Variants in XRCC1 observed in about 807,000 individuals in gnomAD.
XRCC1 encodes the protein DNA repair protein XRCC1.
In XRCC1, 52 loss-of-function variants were observed where a neutral mutation model predicts 83.3. The ratio of observed to expected loss-of-function variants is 0.62; its 90% CI spans 0.50 to 0.79. The LOEUF (loss-of-function observed/expected upper bound fraction) is 0.79. Ranked by LOEUF, XRCC1 falls within the 30% of genes least tolerant of loss-of-function variation. The pLI is 0.00. For missense variants in XRCC1, 793 were observed against 823.5 expected (o/e 0.96, Z 0.45); for synonymous variants, 281 against 312.6 (o/e 0.90, Z 1.07).
At chr19:43,567,188 G>C (rs1972761887) in intron 2 of XRCC1, among the ~76,000 whole-genome samples, 2 of 151,340 alleles carry the variant, frequency 1.3e-5, no homozygotes, top group South Asian at 4.1e-4. Context: ...ACTGTTTAAT[G>C]GTTATGTGGT....
chr19:43,561,106 AC>A (rs1972694771), intron 2 of XRCC1, 86 bp from the exon 3 acceptor site: 6 of 1,063,542 alleles, frequency 5.6e-6, no homozygotes, highest in Non-Finnish European at 8.8e-6. Context: ...CCTTTGGATC[AC>A]CATGTCCCTG....
At chr19:43,565,128 G>C (rs1262080972) in intron 2 of XRCC1, among the ~76,000 whole-genome samples, 1 of 152,060 alleles carries the variant, frequency 6.6e-6, no homozygotes, top group African/African-American at 2.4e-5. Context: ...ATAATCCAGG[G>C]CACTCTCCCC....
chr19:43,548,109 G>T (rs997798316), intron 10 of XRCC1, among the ~76,000 whole-genome samples: 12 of 64,914 alleles, frequency 1.8e-4, no homozygotes, highest in East Asian at 5.5e-4. Flanking sequence ...GGAGGGAGGT[G>T]GGGGGGTCAG....
At chr19:43,569,279 C>A (rs531248586) in intron 2 of XRCC1, among the ~76,000 whole-genome samples, 3 of 152,008 alleles carry the variant, frequency 2.0e-5, no homozygotes, top group African/African-American at 4.8e-5. Flanking sequence ...TCAAGACCAG[C>A]CTAGACAACA....
At position 43,543,430 on chromosome 19, in the gene XRCC1, G is replaced by A. The variant is rs759153919; in HGVS notation, c.1864C>T (p.Leu622Phe). 2 of 1,612,838 alleles carry A rather than the reference G, an allele frequency of 1.2e-6. No homozygotes were observed. The highest frequency in any genetic ancestry group is 2.2e-5 in the East Asian group (1 of 44,810). Residue 622 changes from leucine (L) to phenylalanine (F), a missense_variant, in exon 17 of 17, where the codon CTT (leucine) becomes TTT (phenylalanine). Transcript: ENST00000262887. ...IYSCNEKQKLLPHQLYGVVPQ... is the reference protein window; with the variant it reads ...IYSCNEKQKLFPHQLYGVVPQ... ...ACCACCCCATAGAGCTGGTGAGGAA[G>A]TAACTTCTGCTTCTCATTGCAACTG...
intron 10 of XRCC1, 37 bp from the exon 11 acceptor site, chr19:43,547,014 A>G (rs752250355): frequency 6.2e-7 from 1 of 1,604,874 alleles, no homozygotes; most frequent in Non-Finnish European, 8.5e-7. Flanking sequence ...AACAGGCCCA[A>G]GGGAAGTGGG....
In XRCC1 at chr19:43,544,807, G is replaced by A. The variant is rs186011803; in HGVS notation, c.1622-573C>T. ...TACTGAGTAGCACACCACCACGCTC[G>A]GCTAATTTTTAAAATGTTTTGTAAA... is the stretch of plus-strand genomic sequence containing the variant. On this transcript the variant is annotated intron_variant, in intron 14 of 16. Transcript: ENST00000262887. 4.6e-5 allele frequency among the ~76,000 whole-genome samples: 7 copies of A among 151,652 alleles called. No homozygotes were observed. In the East Asian group the frequency reaches 9.7e-4, roughly 21 times the overall value.
chr19:43,559,209 T>C (rs534336498), intron 3 of XRCC1, among the ~76,000 whole-genome samples: 19 of 150,512 alleles, frequency 1.3e-4, no homozygotes, highest in South Asian at 4.2e-4. Context: ...AAGGGCCGGG[T>C]GCGGTGGCTC....
rs772861489 is a variant in XRCC1 at position 43,553,158 on chromosome 19, T to C, written c.602-67A>G. 84 of 1,472,886 alleles carry C rather than the reference T, an allele frequency of 5.7e-5. 1 individual carries two copies. The highest frequency in any genetic ancestry group is 9.8e-5 in the African/African-American group (7 of 71,414). The allele number at this position is 1,472,886 out of a possible 1,614,324, so 91.2% of individuals were successfully genotyped here. A position where few individuals can be genotyped will look rare whatever the true frequency, so the allele number is the denominator to read the frequency against. On this transcript the variant is annotated intron_variant, in intron 6 of 16. Coordinates refer to ENST00000262887, the MANE Select transcript of XRCC1 (RefSeq NM_006297.3). ...CCCAAGACCCTTTCACTCCTATCTA[T>C]GGGACACAGAATATTGTTGCCAAAA...
intron 15 of XRCC1, 101 bp from the exon 16 acceptor site, chr19:43,543,788 C>A: frequency 9.0e-7 from 1 of 1,106,046 alleles, no homozygotes; most frequent in South Asian, 1.4e-5. Context: ...ACTGTCCCCA[C>A]CTATGCGCCT....
At chr19:43,574,755 G>A in intron 2 of XRCC1, 155 bp downstream of exon 2, 1 of 637,476 alleles carries the variant, frequency 1.6e-6, no homozygotes, top group South Asian at 1.8e-5. Flanking sequence ...CCTCTCTGCT[G>A]AGGGGCACAG....
At chr19:43,551,764 C>CAG (rs55974714) in intron 9 of XRCC1, 77 bp from the exon 10 acceptor site, 202 of 1,045,022 alleles carry the variant, frequency 1.9e-4, no homozygotes, top group African/African-American at 2.7e-4. Context: ...GGGAGACAGA[C>CAG]AGAGAGAGAG....
intron 10 of XRCC1, among the ~76,000 whole-genome samples, chr19:43,548,784 A>AAAC (rs1555768471): frequency 7.0e-6 from 1 of 142,102 alleles, no homozygotes; most frequent in African/African-American, 2.7e-5. Context: ...AAAAAAAAAA[A>AAAC]AACACAACAG....
At chr19:43,555,058 A>T (rs1016667473) in intron 3 of XRCC1, 1 of 325,904 alleles carries the variant, frequency 3.1e-6, no homozygotes, top group African/African-American at 2.1e-5. Flanking sequence ...GGAGTCTTCC[A>T]TATCTGGCAA....
At chr19:43,557,792 CAAAAAAAAAAAAAAA>C (rs35267441) in intron 3 of XRCC1, among the ~76,000 whole-genome samples, 1 of 41,002 alleles carries the variant, frequency 2.4e-5, no homozygotes, top group African/African-American at 8.1e-5. Context: ...AATTCCATCT[CAAAAAAAAAAAAAAA>C]AAAAAAAAAA....
rs55749951 is a variant in XRCC1 at position 43,551,692 on chromosome 19, T to TG, written c.1083-6dup. The stretch of plus-strand genomic sequence containing the variant: ...GGGGTGTTGGCAAAGGCACAGCTGG[T>TG]GGGGGGCAGAAGTGAAGATGCCAGT... On this transcript the variant is annotated splice_region_variant and splice_polypyrimidine_tract_variant and intron_variant, in intron 9 of 16. Transcript: ENST00000262887. 1,668 of 1,611,910 alleles carry TG rather than the reference T, an allele frequency of 1.0e-3. 18 individuals are homozygous for TG. In the African/African-American group the frequency reaches 0.018, roughly 18 times the overall value.
chr19:43,575,498 A>T lies in XRCC1; in HGVS notation c.-40T>A. 1 of 1,598,538 alleles carries T rather than the reference A, an allele frequency of 6.3e-7. No individual in the cohort carries two copies. Among genetic ancestry groups the T allele is most frequent in the Non-Finnish European group, 8.6e-7 (1 of 1,167,972 alleles). On this transcript the variant is annotated 5_prime_UTR_variant, in exon 1 of 17. Coordinates refer to ENST00000262887, the MANE Select transcript of XRCC1 (RefSeq NM_006297.3). ...CTTCGCCTGGCCAGAAGGATGAGGT[A>T]GAGTATGGGGTCCGAGGGGCAGGGA...
At position 43,567,299 on chromosome 19, in the gene XRCC1, C is replaced by CTTTA. The variant is rs1333519436; in HGVS notation, c.145-6283_145-6280dup. 3.8e-3 allele frequency among the ~76,000 whole-genome samples: 565 copies of CTTTA among 149,844 alleles called. 6 individuals carry two copies. The highest frequency in any genetic ancestry group is 0.012 in the African/African-American group (497 of 40,764). On this transcript the variant is annotated intron_variant, in intron 2 of 16. Coordinates refer to ENST00000262887, the MANE Select transcript of XRCC1 (RefSeq NM_006297.3). ...AAAAAAAAAAACCCTGAAATGTGCA[C>CTTTA]TTTATTTATTTATTTATTTATGTTT...
chr19:43,556,505 T>A (rs929760781), intron 3 of XRCC1, among the ~76,000 whole-genome samples: 5 of 152,114 alleles, frequency 3.3e-5, no homozygotes, highest in African/African-American at 1.2e-4. Flanking sequence ...CAATCTGCAT[T>A]GAAAAACCCA....
Sources: gnomAD v4.1 joint callset for allele counts (sites outside exome capture counted in the v4.1 genomes callset) on GRCh38, gnomAD v4.1.1 for gene constraint, MANE v1.5 for transcripts, NCBI Gene and HGNC (gene_info 2026-07-23, HGNC 2026-07-21) for gene names.